The following TRPM3 variants were observed in gnomAD, a reference collection of about 807,000 sequenced individuals.
The protein encoded by TRPM3 is transient receptor potential cation channel subfamily M member 3, also known as long transient receptor potential channel 3.
TRPM3 carries 77 observed loss-of-function variants against 181.2 expected under a neutral mutation model. The ratio of observed to expected loss-of-function variants is 0.42; its 90% CI spans 0.35 to 0.51. The LOEUF is 0.51. Ranked by LOEUF, TRPM3 falls within the 20% of genes least tolerant of loss-of-function variation. The pLI is 0.01. For missense variants in TRPM3, 1,759 were observed against 2,196.7 expected (o/e 0.80, Z 3.98); for synonymous variants, 745 against 796.4 (o/e 0.94, Z 1.09).
chr9:71,087,505 C>G lies in TRPM3; in HGVS notation c.177+33673G>C, dbSNP rs992256439. On this transcript the variant is annotated intron_variant, in intron 1 of 25. Coordinates refer to ENST00000677713, the MANE Select transcript of TRPM3 (RefSeq NM_001366145.2). ...ATTTCCATTTATGTCTGTTCTATGACCACCCTTTGAACTCATGGAGGGAAG... is the reference window on the plus strand; with the variant it reads ...ATTTCCATTTATGTCTGTTCTATGAGCACCCTTTGAACTCATGGAGGGAAG... Among the ~76,000 whole-genome samples the G allele has an allele frequency of 2.0e-5, 3 of 151,972 alleles. No homozygotes were observed. The South Asian group carries it at 6.2e-4, about 31-fold the overall frequency.
chr9:71,290,363 A>G (rs1315063190), intron 1 of TRPM3, among the ~76,000 whole-genome samples: 3 of 152,272 alleles, frequency 2.0e-5, no homozygotes, highest in Non-Finnish European at 4.4e-5. Context: ...CTACAAATGA[A>G]AAAGAATTAT....
chr9:71,038,818 T>A (rs1017289204), intron 1 of TRPM3, among the ~76,000 whole-genome samples: 20 of 151,980 alleles, frequency 1.3e-4, no homozygotes, highest in Non-Finnish European at 5.9e-5. Flanking sequence ...GATAGCTAGT[T>A]ACAGAATGAG....
At chr9:70,678,743 T>C (rs1398660580) in intron 9 of TRPM3, among the ~76,000 whole-genome samples, 1 of 152,230 alleles carries the variant, frequency 6.6e-6, no homozygotes, top group Non-Finnish European at 1.5e-5. Flanking sequence ...AATTGCAAAC[T>C]AAATGTAACA....
intron 1 of TRPM3, among the ~76,000 whole-genome samples, chr9:71,061,681 T>C (rs915374876): frequency 6.6e-6 from 1 of 152,108 alleles, no homozygotes; most frequent in Non-Finnish European, 1.5e-5. Context: ...CAGCATTTCA[T>C]ATGTGCTGCC....
intron 1 of TRPM3, among the ~76,000 whole-genome samples, chr9:70,878,421 C>A (rs1413085329): frequency 6.6e-6 from 1 of 152,000 alleles, no homozygotes; most frequent in African/African-American, 2.4e-5. Context: ...CACTCATGCA[C>A]TCAAAAATAT....
In TRPM3 at chr9:70,690,401, A is replaced by AATC. The variant is rs1293068689; in HGVS notation, c.1273-8826_1273-8824dup. ...GGTACATCTTCGGCTTTCATAAACTAATCTCTGAAATATTTCCTATTTTCC... is the reference window on the plus strand; with the variant it reads ...GGTACATCTTCGGCTTTCATAAACTAATCATCTCTGAAATATTTCCTATTTTCC... On this transcript the variant is annotated intron_variant, in intron 8 of 25. Transcript: ENST00000677713. Among the ~76,000 whole-genome samples, 5 of 152,144 alleles carry AATC rather than the reference A, an allele frequency of 3.3e-5. No individual in the cohort carries two copies. In the East Asian group the frequency reaches 9.6e-4, roughly 29 times the overall value.
intron 1 of TRPM3, among the ~76,000 whole-genome samples, chr9:70,963,047 G>C (rs1194373581): frequency 6.6e-6 from 1 of 152,160 alleles, no homozygotes; most frequent in African/African-American, 2.4e-5. Flanking sequence ...AGGAAGAAAA[G>C]GCACAGAGAA....
At chr9:71,336,797 C>T (rs959216905) in intron 1 of TRPM3, among the ~76,000 whole-genome samples, 2 of 152,090 alleles carry the variant, frequency 1.3e-5, no homozygotes, top group African/African-American at 4.8e-5. Flanking sequence ...GAAATAACAC[C>T]ATACATCTAT....
chr9:70,631,929 GTTA>G (rs1246942601), intron 12 of TRPM3, among the ~76,000 whole-genome samples: 1 of 152,170 alleles, frequency 6.6e-6, no homozygotes, highest in Non-Finnish European at 1.5e-5. Context: ...GTTCTTAAGA[GTTA>G]TTTACATATA....
chr9:71,244,621 C>T (rs1588114803), intron 1 of TRPM3, among the ~76,000 whole-genome samples: 2 of 152,302 alleles, frequency 1.3e-5, no homozygotes, highest in African/African-American at 4.8e-5. Context: ...CTGTACTTTA[C>T]TTTTTATTCC....
intron 1 of TRPM3, among the ~76,000 whole-genome samples, chr9:71,327,766 T>G (rs900288114): frequency 3.3e-5 from 5 of 152,228 alleles, no homozygotes; most frequent in Non-Finnish European, 5.9e-5. Flanking sequence ...AAGCAATCTG[T>G]GCCTGCTAAC....
chr9:70,847,456 C>T (rs561763965), intron 3 of TRPM3, among the ~76,000 whole-genome samples: 33 of 152,206 alleles, frequency 2.2e-4, no homozygotes, highest in African/African-American at 7.7e-4. Flanking sequence ...AACAAAGAAG[C>T]AGTTTAGAAC....
intron 22 of TRPM3, among the ~76,000 whole-genome samples, chr9:70,576,169 T>C (rs893063641): frequency 3.3e-5 from 5 of 152,228 alleles, no homozygotes; most frequent in Non-Finnish European, 2.9e-5. Flanking sequence ...TTATCCATGA[T>C]GGGTGATTTT....
intron 1 of TRPM3, among the ~76,000 whole-genome samples, chr9:71,266,850 T>G (rs1242483925): frequency 6.6e-6 from 1 of 152,174 alleles, no homozygotes; most frequent in Admixed American, 6.5e-5. Context: ...CTCATATTCA[T>G]TGACTAACAC....
rs185917452 is a variant in TRPM3 at position 70,888,103 on chromosome 9, C to T, written c.178-23592G>A. ...CATTTGAACCATTCTTTAATTGCCT[C>T]TGGCACAGATTGTAGCATGCTCCAT... On this transcript the variant is annotated intron_variant, in intron 1 of 25. Coordinates refer to ENST00000677713, the MANE Select transcript of TRPM3 (RefSeq NM_001366145.2). 4.8e-3 allele frequency among the ~76,000 whole-genome samples: 729 copies of T among 152,272 alleles called. 4 individuals carry two copies. The highest frequency in any genetic ancestry group is 0.017 in the Middle Eastern group (5 of 294).
At chr9:70,993,102 C>T (rs2134144830) in intron 1 of TRPM3, among the ~76,000 whole-genome samples, 1 of 152,224 alleles carries the variant, frequency 6.6e-6, no homozygotes, top group South Asian at 2.1e-4. Context: ...CATAGAGGAG[C>T]TGGTACCATA....
chr9:71,061,016 T>G (rs540413234), intron 1 of TRPM3, among the ~76,000 whole-genome samples: 3 of 152,210 alleles, frequency 2.0e-5, no homozygotes, highest in African/African-American at 7.2e-5. Flanking sequence ...CATCTGGGTC[T>G]TTATCCCTCT....
At position 70,892,274 on chromosome 9, in the gene TRPM3, T is replaced by C. The variant is rs192812321; in HGVS notation, c.178-27763A>G. Among the ~76,000 whole-genome samples the C allele has an allele frequency of 6.6e-5, 10 of 152,202 alleles. No individual in the cohort carries two copies. In the East Asian group the frequency reaches 1.4e-3, roughly 21 times the overall value. On this transcript the variant is annotated intron_variant, in intron 1 of 25. Coordinates refer to ENST00000677713, the MANE Select transcript of TRPM3 (RefSeq NM_001366145.2). ...GTACCAAAAGTGAAATGAGTTAATATGTAATATCATTCAGAAAAAGAGGCC... is the reference window on the plus strand; with the variant it reads ...GTACCAAAAGTGAAATGAGTTAATACGTAATATCATTCAGAAAAAGAGGCC...
chr9:70,532,793 C>T lies in TRPM3; in HGVS notation c.*3160G>A, dbSNP rs2041068508. ...TTACGGTCCTCAGTAACTTGCTGCT[C>T]ATAAACTGCTTAATTCACAAAGACA... On this transcript the variant is annotated 3_prime_UTR_variant, in exon 26 of 26. Transcript: ENST00000677713. 1 of 152,170 alleles carries T rather than the reference C, an allele frequency of 6.6e-6. No homozygotes were observed. The highest frequency in any genetic ancestry group is 2.4e-5 in the African/African-American group (1 of 41,448). 9.4% of individuals were successfully genotyped at this position (152,170 alleles called of 1,614,324 possible). A position where few individuals can be genotyped will look rare whatever the true frequency, so the allele number is the denominator to read the frequency against.
Sources: gnomAD v4.1 joint callset for allele counts (sites outside exome capture counted in the v4.1 genomes callset) on GRCh38, gnomAD v4.1.1 for gene constraint, MANE v1.5 for transcripts, NCBI Gene and HGNC (gene_info 2026-07-23, HGNC 2026-07-21) for gene names.